HPSE2: variants seen among roughly 807,000 people sequenced by gnomAD.
HPSE2 encodes the protein heparanase 2 (inactive).
A neutral mutation model predicts 60.5 loss-of-function variants in HPSE2; 38 were observed. That is an observed-to-expected ratio of 0.63 (90% CI 0.48 to 0.82). The LOEUF is 0.82. Ranked by LOEUF, HPSE2 falls within the 40% of genes least tolerant of loss-of-function variation. The pLI is 0.00. For missense variants in HPSE2, 713 were observed against 740.4 expected (o/e 0.96, Z 0.43); for synonymous variants, 295 against 293.2 (o/e 1.01, Z -0.06).
intron 5 of HPSE2, among the ~76,000 whole-genome samples, chr10:98,713,968 T>C (rs564141707): frequency 4.9e-4 from 75 of 152,080 alleles, no homozygotes; most frequent in African/African-American, 1.6e-3. Context: ...CATTTCTACC[T>C]TCTATTTCTA....
chr10:99,038,678 G>A (rs756380300), intron 3 of HPSE2, among the ~76,000 whole-genome samples: 22 of 151,872 alleles, frequency 1.4e-4, no homozygotes, highest in Non-Finnish European at 3.1e-4. Flanking sequence ...TACCAATGTC[G>A]ACTTCCTGGT....
intron 4 of HPSE2, among the ~76,000 whole-genome samples, chr10:98,723,899 T>A (rs1291314455): frequency 6.6e-6 from 1 of 152,198 alleles, no homozygotes; most frequent in Non-Finnish European, 1.5e-5. Context: ...ATTTTGTTGA[T>A]CTTTTCAAAA....
At chr10:99,212,118 C>T (rs751459275) in intron 2 of HPSE2, among the ~76,000 whole-genome samples, 1 of 152,050 alleles carries the variant, frequency 6.6e-6, no homozygotes. Flanking sequence ...CAAATTAAAT[C>T]CATAGTGACA....
At chr10:98,775,627 G>T (rs1009300856) in intron 3 of HPSE2, among the ~76,000 whole-genome samples, 2 of 152,130 alleles carry the variant, frequency 1.3e-5, no homozygotes, top group Admixed American at 6.6e-5. Context: ...TCTTCACTAA[G>T]AATGCTTTAT....
chr10:98,651,552 G>A (rs754540570), intron 6 of HPSE2, among the ~76,000 whole-genome samples: 9 of 152,014 alleles, frequency 5.9e-5, no homozygotes, highest in Non-Finnish European at 1.0e-4. Context: ...TTAAGAAACG[G>A]TACCCTAAAA....
intron 3 of HPSE2, among the ~76,000 whole-genome samples, chr10:98,767,581 ATATGTAGT>A (rs1232143374): frequency 6.9e-6 from 1 of 144,462 alleles, no homozygotes; most frequent in Non-Finnish European, 1.5e-5. Flanking sequence ...GCTATATATA[ATATGTAGT>A]TATATACAAT....
intron 3 of HPSE2, among the ~76,000 whole-genome samples, chr10:99,102,549 C>T (rs370705785): frequency 2.0e-5 from 3 of 152,030 alleles, no homozygotes; most frequent in Non-Finnish European, 4.4e-5. Flanking sequence ...ATTCTACCAG[C>T]GGTACAAGGA....
At chr10:99,118,372 A>T (rs1240040493) in intron 3 of HPSE2, among the ~76,000 whole-genome samples, 1 of 151,784 alleles carries the variant, frequency 6.6e-6, no homozygotes, top group African/African-American at 2.4e-5. Context: ...AAATACAAAA[A>T]ATTAGCCAGG....
chr10:98,622,760 TA>T (rs1946106977), intron 7 of HPSE2, among the ~76,000 whole-genome samples: 1 of 152,076 alleles, frequency 6.6e-6, no homozygotes, highest in Non-Finnish European at 1.5e-5. Flanking sequence ...AAAGATTAAG[TA>T]AAAATTCACT....
intron 2 of HPSE2, among the ~76,000 whole-genome samples, chr10:99,164,815 G>A (rs1239172253): frequency 6.6e-6 from 1 of 152,164 alleles, no homozygotes; most frequent in East Asian, 1.9e-4. Flanking sequence ...ACGAGGTCAG[G>A]TGGCTCACGC....
intron 3 of HPSE2, among the ~76,000 whole-genome samples, chr10:99,079,887 G>T (rs1843074146): frequency 6.6e-6 from 1 of 152,122 alleles, no homozygotes; most frequent in South Asian, 2.1e-4. Context: ...AGTCTTCTCA[G>T]AAGTCCCCAA....
At chr10:98,528,739 T>C (rs757496421) in intron 9 of HPSE2, among the ~76,000 whole-genome samples, 1 of 152,188 alleles carries the variant, frequency 6.6e-6, no homozygotes, top group Non-Finnish European at 1.5e-5. Flanking sequence ...CCGAGGGAAG[T>C]GCTGTGCATT....
chr10:99,139,736 T>G (rs1374931948), intron 3 of HPSE2, among the ~76,000 whole-genome samples: 2 of 152,180 alleles, frequency 1.3e-5, no homozygotes, highest in East Asian at 3.8e-4. Context: ...TGATACAATC[T>G]TTAGCCCTCT....
intron 3 of HPSE2, 102 bp from the exon 4 acceptor site, chr10:98,744,158 T>A: frequency 9.6e-7 from 1 of 1,042,992 alleles, no homozygotes; most frequent in Non-Finnish European, 1.5e-6. Flanking sequence ...TTCCCACTAA[T>A]AAGGAATAAC....
intron 9 of HPSE2, among the ~76,000 whole-genome samples, chr10:98,521,125 C>A (rs1245331728): frequency 6.6e-6 from 1 of 152,140 alleles, no homozygotes; most frequent in Non-Finnish European, 1.5e-5. Context: ...GCAACAAAAG[C>A]CAAAATTGAC....
chr10:98,615,195 A>T (rs1440356025), intron 8 of HPSE2, among the ~76,000 whole-genome samples, 177 bp from the exon 9 acceptor site: 2 of 152,226 alleles, frequency 1.3e-5, no homozygotes, highest in African/African-American at 4.8e-5. Context: ...TATTTTAGAG[A>T]TTATCAAATC....
chr10:98,826,315 T>C (rs1469017243), intron 3 of HPSE2, among the ~76,000 whole-genome samples: 3 of 152,218 alleles, frequency 2.0e-5, no homozygotes. Flanking sequence ...CTATTTCTAA[T>C]GTTTTTTACA....
intron 6 of HPSE2, among the ~76,000 whole-genome samples, chr10:98,660,496 C>T (rs1947193186): frequency 6.6e-6 from 1 of 152,196 alleles, no homozygotes; most frequent in Non-Finnish European, 1.5e-5. Context: ...AAATTAGCCA[C>T]TATTAAAAAC....
chr10:98,759,913 T>G (rs1949967532), intron 3 of HPSE2, among the ~76,000 whole-genome samples: 1 of 152,006 alleles, frequency 6.6e-6, no homozygotes, highest in African/African-American at 2.4e-5. Flanking sequence ...ATTATTTGAA[T>G]TCATAAACAT....
Sources: gnomAD v4.1 joint callset for allele counts (sites outside exome capture counted in the v4.1 genomes callset) on GRCh38, gnomAD v4.1.1 for gene constraint, MANE v1.5 for transcripts, NCBI Gene and HGNC (gene_info 2026-07-23, HGNC 2026-07-21) for gene names.